The following CACNA1D variants were observed in gnomAD, a reference collection of about 807,000 sequenced individuals.
CACNA1D encodes voltage-dependent L-type calcium channel subunit alpha-1D.
In CACNA1D, 55 loss-of-function variants were observed where a neutral mutation model predicts 257.1. That is an observed-to-expected ratio of 0.21 (90% CI 0.17 to 0.27). The LOEUF (loss-of-function observed/expected upper bound fraction) is 0.27. Ranked by LOEUF, CACNA1D falls within the 10% of genes least tolerant of loss-of-function variation. The pLI is 1.00. For synonymous variants in CACNA1D, 980 were observed against 1,014.9 expected, an observed-to-expected ratio of 0.97 and a Z score of 0.65; for missense variants, 1,876 against 2,784.0, an observed-to-expected ratio of 0.67 and a Z score of 7.34.
chr3:53,702,916 C>T, intron 9 of CACNA1D, 106 bp downstream of exon 9: 2 of 1,193,014 alleles, frequency 1.7e-6, no homozygotes, highest in Non-Finnish European at 1.2e-6. Context: ...GTGGGACAGC[C>T]TCCTCCCAGC....
chr3:53,712,828 G>A (rs2094774231), intron 9 of CACNA1D, among the ~76,000 whole-genome samples: 1 of 152,182 alleles, frequency 6.6e-6, no homozygotes, highest in African/African-American at 2.4e-5. Context: ...GAGGAGTGAG[G>A]CTCTGAGGCC....
At chr3:53,693,705 G>C (rs1417754552) in intron 8 of CACNA1D, among the ~76,000 whole-genome samples, 1 of 151,966 alleles carries the variant, frequency 6.6e-6, no homozygotes, top group Non-Finnish European at 1.5e-5. Context: ...TATAAGTGTT[G>C]CCTTTGTTTT....
In CACNA1D at chr3:53,697,651, A is replaced by G. The variant is rs527273056; in HGVS notation, c.1221-4990A>G. Among the ~76,000 whole-genome samples the G allele has an allele frequency of 3.9e-5, 6 of 152,294 alleles. No individual in the cohort carries two copies. The East Asian group carries it at 1.2e-3, about 29-fold the overall frequency. ...ATCCATGTACCCCTTACCCCAGTTC[A>G]CCTAATATTAAATTTTACCTCATTT... is the stretch of plus-strand genomic sequence containing the variant. On this transcript the variant is annotated intron_variant, in intron 8 of 47. Coordinates refer to ENST00000350061, the MANE Select transcript of CACNA1D (RefSeq NM_001128840.3).
chr3:53,750,471 G>A (rs1211787227), intron 27 of CACNA1D, among the ~76,000 whole-genome samples: 1 of 152,190 alleles, frequency 6.6e-6, no homozygotes, highest in Non-Finnish European at 1.5e-5. Context: ...CAGAGGAAGT[G>A]GCCCAGGCAC....
intron 8 of CACNA1D, among the ~76,000 whole-genome samples, chr3:53,677,030 G>A (rs1299488552): frequency 6.6e-6 from 1 of 152,190 alleles, no homozygotes; most frequent in Non-Finnish European, 1.5e-5. Context: ...CATATTACAC[G>A]TGGTCTTCTA....
In CACNA1D at chr3:53,714,447, ACT is replaced by A. The variant is rs371054923; in HGVS notation, c.1391-3851_1391-3850del. On this transcript the variant is annotated intron_variant, in intron 9 of 47. Coordinates refer to ENST00000350061, the MANE Select transcript of CACNA1D (RefSeq NM_001128840.3). ...GGCTTTACCTTCATGAGTTTGTATG[ACT>A]CTTTCTGTCTGGATTTTTATAAAAG... 2.8e-4 allele frequency among the ~76,000 whole-genome samples: 43 copies of A among 151,814 alleles called. No individual in the cohort carries two copies. The East Asian group carries it at 6.0e-3, about 21-fold the overall frequency.
intron 39 of CACNA1D, chr3:53,782,262 G>GTATATATATATATATA (rs1413952414): frequency 9.3e-4 from 39 of 41,994 alleles, no homozygotes; most frequent in East Asian, 5.1e-3. Flanking sequence ...GTGTGTGTGT[G>GTATATATATATATATA]TGTATATATA....
intron 9 of CACNA1D, among the ~76,000 whole-genome samples, chr3:53,709,727 C>T (rs889365389): frequency 6.6e-6 from 1 of 152,172 alleles, no homozygotes; most frequent in Non-Finnish European, 1.5e-5. Context: ...TCATTTCTCT[C>T]GTGACCTGGT....
chr3:53,519,127 A>G (rs1415187814), intron 3 of CACNA1D, among the ~76,000 whole-genome samples: 3 of 152,194 alleles, frequency 2.0e-5, no homozygotes, highest in Non-Finnish European at 4.4e-5. Context: ...CTCAGAGTAA[A>G]GAGACTCGGT....
intron 39 of CACNA1D, chr3:53,785,433 G>C (rs2095447521): frequency 6.6e-6 from 1 of 152,182 alleles, no homozygotes; most frequent in Admixed American, 6.5e-5. Context: ...GGCCTGGAGA[G>C]GCAGCCCAAG....
intron 3 of CACNA1D, among the ~76,000 whole-genome samples, chr3:53,607,089 C>T (rs1169428254): frequency 6.6e-6 from 1 of 152,128 alleles, no homozygotes; most frequent in Non-Finnish European, 1.5e-5. Flanking sequence ...TGAAAAATAA[C>T]CAGGTTTTGG....
chr3:53,592,178 G>A (rs1377500271), intron 3 of CACNA1D, among the ~76,000 whole-genome samples: 1 of 152,190 alleles, frequency 6.6e-6, no homozygotes, highest in African/African-American at 2.4e-5. Context: ...ATATGTCCAC[G>A]ACATAGGTGG....
At chr3:53,725,022 A>G (rs1038377717) in intron 14 of CACNA1D, among the ~76,000 whole-genome samples, 3 of 125,702 alleles carry the variant, frequency 2.4e-5, no homozygotes, top group African/African-American at 9.1e-5. Flanking sequence ...TTTTTTGGTA[A>G]TGCATGCATA....
Position 53,789,043 on chromosome 3 carries a change from G to C in CACNA1D, c.4923+2091G>C, listed in dbSNP as rs750798395. 4.3e-4 allele frequency among the ~76,000 whole-genome samples: 65 copies of C among 152,208 alleles called. No homozygotes were observed. Among genetic ancestry groups the C allele is most frequent in the Non-Finnish European group, 4.1e-4 (28 of 68,040 alleles). On this transcript the variant is annotated intron_variant, in intron 40 of 47. Transcript: ENST00000350061. This position sits in a 1 kb window ranked among gnomAD's most constrained non-coding sequence, Gnocchi z 4.2. ...ACGTATGGGGTTTACTGAGTCTTAA[G>C]TTGAAGGGTCAAATGGCATGAATGA... is the stretch of plus-strand genomic sequence containing the variant.
At position 53,810,285 on chromosome 3, in the gene CACNA1D, G is replaced by A; in HGVS notation, c.6179G>A (p.Ser2060Asn). ...AGCGACAAGCAGAGGAGTGCGGACA[G>A]CTTGGTGGAGGCAGTGAGTACGGTT... Reference protein sequence around the residue: ...KNSDKQRSADSLVEAVLISEG... With the variant: ...KNSDKQRSADNLVEAVLISEG... The change falls in exon 47 of 48, where the codon AGC (serine) becomes AAC (asparagine). Residue 2060 changes from serine (S) to asparagine (N), a missense_variant. Physicochemically the swap from Ser to Asn is conservative, Grantham distance 46 (BLOSUM62 1). This residue lies in a region of CACNA1D where 491 missense variants were observed against 554.3 expected (regional missense o/e 0.89). Coordinates refer to ENST00000350061, the MANE Select transcript of CACNA1D (RefSeq NM_001128840.3). The A allele has an allele frequency of 6.2e-7, 1 of 1,613,706 alleles. No homozygotes were observed. Among genetic ancestry groups the A allele is most frequent in the Non-Finnish European group, 8.5e-7 (1 of 1,180,032 alleles).
Position 53,564,884 on chromosome 3 carries a change from GA to G in CACNA1D, c.483+63165del, listed in dbSNP as rs2092806432. On this transcript the variant is annotated intron_variant, in intron 3 of 47. Transcript: ENST00000350061. ...TTCTTAAGAAAACCTTTTCTACCAT[GA>G]TAAGATGTGCAGATATTCTTATATG... 6.6e-5 allele frequency among the ~76,000 whole-genome samples: 10 copies of G among 152,302 alleles called. No individual in the cohort carries two copies. In the South Asian group the frequency reaches 2.1e-3, roughly 32 times the overall value.
intron 3 of CACNA1D, among the ~76,000 whole-genome samples, chr3:53,638,797 T>C (rs2093915382): frequency 1.3e-5 from 2 of 152,216 alleles, no homozygotes; most frequent in African/African-American, 4.8e-5. Flanking sequence ...TGCCACCCAC[T>C]GGGACAGATA....
At chr3:53,728,972 A>T (rs771238210) in intron 15 of CACNA1D, among the ~76,000 whole-genome samples, 7 of 152,054 alleles carry the variant, frequency 4.6e-5, no homozygotes, top group African/African-American at 7.2e-5. Flanking sequence ...GTGGCTCATC[A>T]CTCTGGATTT....
intron 8 of CACNA1D, chr3:53,679,320 A>G (rs890728614): frequency 1.4e-5 from 2 of 141,548 alleles, no homozygotes; most frequent in Non-Finnish European, 3.0e-5. Flanking sequence ...CTTTTCTCTC[A>G]TTCAACACTT....
Sources: allele counts gnomAD v4.1 joint callset (sites outside exome capture counted in the v4.1 genomes callset), GRCh38; gene constraint gnomAD v4.1.1; regional missense constraint gnomAD v4.1.1; non-coding constraint Gnocchi (gnomAD v3.1); transcripts MANE v1.5; gene names NCBI Gene and HGNC (gene_info 2026-07-23, HGNC 2026-07-21).